ROBO1: variants seen among roughly 807,000 people sequenced by gnomAD.
ROBO1 encodes the protein roundabout guidance receptor 1.
ROBO1 carries 149 observed loss-of-function variants against 195.9 expected under a neutral mutation model. The ratio of observed to expected loss-of-function variants is 0.76; its 90% confidence interval spans 0.67 to 0.87. The LOEUF is 0.87. Ranked by LOEUF, ROBO1 falls within the 40% of genes least tolerant of loss-of-function variation. ROBO1 has a pLI of 0.00. For missense variants in ROBO1, 1,933 were observed against 2,068.3 expected (o/e 0.93, Z 1.27); for synonymous variants, 816 against 733.2 (o/e 1.11, Z -1.82).
At chr3:78,673,587 T>C (rs1180560695) in intron 10 of ROBO1, among the ~76,000 whole-genome samples, 7 of 71,284 alleles carry the variant, frequency 9.8e-5, no homozygotes, top group South Asian at 1.2e-3. Flanking sequence ...TATATATATA[T>C]ATATATATAT....
intron 2 of ROBO1, chr3:79,526,719 A>T (rs1417154748): frequency 6.6e-6 from 1 of 152,200 alleles, no homozygotes. Context: ...CTAAGTATTC[A>T]CTGATCCAGT....
chr3:78,923,734 A>T (rs548617607), intron 4 of ROBO1, among the ~76,000 whole-genome samples: 2 of 152,130 alleles, frequency 1.3e-5, no homozygotes, highest in South Asian at 4.2e-4. Flanking sequence ...TCTGGCCTCT[A>T]CCCTTCCAGG....
chr3:78,920,773 A>G (rs1312663652), intron 4 of ROBO1, among the ~76,000 whole-genome samples: 1 of 151,574 alleles, frequency 6.6e-6, no homozygotes, highest in Non-Finnish European at 1.5e-5. Flanking sequence ...CTTAGCCTCC[A>G]AAGTAGCTGG....
intron 2 of ROBO1, among the ~76,000 whole-genome samples, chr3:79,397,967 T>C (rs1056134097): frequency 3.9e-5 from 6 of 152,076 alleles, no homozygotes; most frequent in African/African-American, 2.4e-5. Context: ...TAAAAAATCA[T>C]ATGTAGTTAG....
At position 78,635,938 on chromosome 3, in the gene ROBO1, G is replaced by C; in HGVS notation, c.3208C>G (p.Pro1070Ala). ...DGRFVNPSGQ[P>A]TPYATTQLIQ... ...AGCTGAGTGGTGGCGTAAGGAGTAG[G>C]CTGCCCTGATGGATTGACAAAACGC... The change falls in exon 23 of 31, where the codon CCT becomes GCT. Residue 1070 changes from proline to alanine, a missense_variant. This residue lies in a region of ROBO1 where 1,737 missense variants were observed against 1,882.5 expected (regional missense o/e 0.92). Transcript: ENST00000464233. 6.2e-7 allele frequency: 1 copy of C among 1,613,932 alleles called. No homozygotes were observed. Among genetic ancestry groups the C allele is most frequent in the Non-Finnish European group, 8.5e-7 (1 of 1,179,840 alleles).
chr3:78,746,767 C>T lies in ROBO1; in HGVS notation c.633G>A (p.Leu211=). The T allele has an allele frequency of 6.4e-7, 1 of 1,557,176 alleles. No homozygotes were observed. The highest frequency in any genetic ancestry group is 8.7e-7 in the Non-Finnish European group (1 of 1,144,664). The change falls in exon 5 of 31, where the codon CTG becomes CTA. Residue 211 remains leucine, a synonymous_variant. Transcript: ENST00000464233. Reference sequence around the variant, plus strand: ...CAGTTATTCTTTCATCTTTATCATCCAGTGGAGAGCCATCTTTCTTCCATG... The same window carrying T: ...CAGTTATTCTTTCATCTTTATCATCTAGTGGAGAGCCATCTTTCTTCCATG... ...TISWKKDGSP[L]DDKDERITIR... is the part of the protein sequence containing the mutation.
At chr3:79,720,829 G>A (rs962581901) in intron 1 of ROBO1, among the ~76,000 whole-genome samples, 9 of 145,010 alleles carry the variant, frequency 6.2e-5, no homozygotes, top group African/African-American at 2.3e-4. Context: ...GTCTCGCGCT[G>A]TTGCCCAGGC....
At chr3:78,710,519 C>T (rs562992588) in intron 8 of ROBO1, among the ~76,000 whole-genome samples, 9 of 152,128 alleles carry the variant, frequency 5.9e-5, no homozygotes, top group African/African-American at 9.7e-5. Flanking sequence ...TCAATAATAA[C>T]ACTCATAAGT....
intron 1 of ROBO1, among the ~76,000 whole-genome samples, chr3:79,724,043 CTG>C (rs1362579986): frequency 6.6e-6 from 1 of 152,174 alleles, no homozygotes; most frequent in Non-Finnish European, 1.5e-5. Context: ...TAAACTATAA[CTG>C]TCTTAAATCT....
chr3:79,423,491 C>A lies in ROBO1; in HGVS notation c.88+166333G>T, dbSNP rs143421846. Among the ~76,000 whole-genome samples the A allele has an allele frequency of 5.7e-4, 86 of 152,178 alleles. 2 individuals are homozygous for A. The East Asian group carries it at 0.016, about 27-fold the overall frequency. On this transcript the variant is annotated intron_variant, in intron 2 of 30. Coordinates refer to ENST00000464233, the MANE Select transcript of ROBO1 (RefSeq NM_002941.4). ...TGGTGTTATAGGCCTGCATTCCGAT[C>A]CTGATAATGCCACTTACATAAATAA...
intron 2 of ROBO1, among the ~76,000 whole-genome samples, chr3:79,522,177 A>C (rs2107582052): frequency 6.6e-6 from 1 of 152,288 alleles, no homozygotes; most frequent in African/African-American, 2.4e-5. Flanking sequence ...GTATTTTAAT[A>C]ACTTACTGGT....
intron 4 of ROBO1, among the ~76,000 whole-genome samples, chr3:78,869,209 A>T (rs889001455): frequency 1.2e-4 from 19 of 152,252 alleles, no homozygotes; most frequent in Non-Finnish European, 1.5e-4. Context: ...GGGGTAAAAA[A>T]TTTGAATTCA....
chr3:79,318,192 A>C lies in ROBO1; in HGVS notation c.89-192653T>G, dbSNP rs146678864. On this transcript the variant is annotated intron_variant, in intron 2 of 30. Coordinates refer to ENST00000464233, the MANE Select transcript of ROBO1 (RefSeq NM_002941.4). ...CTCTCCACTAATTAAGTAATGATTT[A>C]AACATTAATCTCATCCAAATACTCT... Among the ~76,000 whole-genome samples, 802 of 152,332 alleles carry C rather than the reference A, an allele frequency of 5.3e-3. 6 individuals carry two copies. Among genetic ancestry groups the C allele is most frequent in the Non-Finnish European group, 0.01 (681 of 68,036 alleles).
intron 2 of ROBO1, among the ~76,000 whole-genome samples, chr3:79,555,973 T>A (rs1375102322): frequency 6.6e-6 from 1 of 152,126 alleles, no homozygotes; most frequent in Non-Finnish European, 1.5e-5. Flanking sequence ...TTGAAGCAGA[T>A]CTAAATATGT....
chr3:78,794,464 G>A (rs947862493), intron 4 of ROBO1, among the ~76,000 whole-genome samples: 24 of 152,096 alleles, frequency 1.6e-4, no homozygotes, highest in African/African-American at 5.6e-4. Context: ...TATTTTACAA[G>A]CAAGAAAAGA....
At chr3:79,529,930 T>C (rs1347469789) in intron 2 of ROBO1, among the ~76,000 whole-genome samples, 1 of 152,224 alleles carries the variant, frequency 6.6e-6, no homozygotes, top group Non-Finnish European at 1.5e-5. Context: ...CAGGCACCTG[T>C]TTCTTTGTAT....
chr3:79,187,992 C>T (rs2081471446), intron 2 of ROBO1, among the ~76,000 whole-genome samples: 1 of 151,956 alleles, frequency 6.6e-6, no homozygotes, highest in Non-Finnish European at 1.5e-5. Context: ...CAAATATCAA[C>T]ATTCTATGAG....
At chr3:79,499,242 A>C (rs1449768194) in intron 2 of ROBO1, among the ~76,000 whole-genome samples, 1 of 152,076 alleles carries the variant, frequency 6.6e-6, no homozygotes, top group African/African-American at 2.4e-5. Flanking sequence ...TGATCCACCC[A>C]CCTTGGCCTC....
chr3:78,990,759 C>T (rs945694077), intron 3 of ROBO1, among the ~76,000 whole-genome samples: 1 of 152,018 alleles, frequency 6.6e-6, no homozygotes, highest in Non-Finnish European at 1.5e-5. Context: ...AAACTACATA[C>T]CAGGCTATTT....
Sources: gnomAD v4.1 joint callset for allele counts (sites outside exome capture counted in the v4.1 genomes callset) on GRCh38, gnomAD v4.1.1 for gene constraint, gnomAD v4.1.1 regional missense constraint, MANE v1.5 for transcripts, NCBI Gene and HGNC (gene_info 2026-07-23, HGNC 2026-07-21) for gene names.